Variants in ZNF695 observed in about 807,000 individuals in gnomAD.
The protein encoded by ZNF695 is zinc finger protein SBZF3.
A neutral mutation model predicts 11.2 loss-of-function variants in ZNF695; 11 were observed. The observed-to-expected ratio is 0.98, with a 90% CI of 0.62 to 1.62. ZNF695 has a LOEUF of 1.62. Ranked by LOEUF, ZNF695 falls within the 40% of genes most tolerant of loss-of-function variation. ZNF695 has a pLI of 0.00. For missense variants in ZNF695, 559 were observed against 590.5 expected (o/e 0.95, Z 0.55); for synonymous variants, 190 against 201.4 (o/e 0.94, Z 0.48).
intron 1 of ZNF695, among the ~76,000 whole-genome samples, chr1:247,003,076 C>A (rs565774190): frequency 1.3e-5 from 2 of 152,254 alleles, no homozygotes; most frequent in Non-Finnish European, 2.9e-5. Context: ...GAACTTAAAA[C>A]AGGGCTGCCA....
At chr1:246,949,590 C>A (rs1222950867) in intron 5 of ZNF695, among the ~76,000 whole-genome samples, 11 of 106,506 alleles carry the variant, frequency 1.0e-4, no homozygotes, top group African/African-American at 1.2e-4. Flanking sequence ...GACCCTGTCT[C>A]AAAAAAAAAG....
At chr1:246,955,503 C>A (rs1667974109) in intron 5 of ZNF695, among the ~76,000 whole-genome samples, 1 of 152,106 alleles carries the variant, frequency 6.6e-6, no homozygotes, top group South Asian at 2.1e-4. Context: ...AGAAGCTCTC[C>A]CGCAGTGTTC....
intron 5 of ZNF695, among the ~76,000 whole-genome samples, chr1:246,958,757 C>T (rs151165145): frequency 5.3e-5 from 8 of 152,256 alleles, no homozygotes; most frequent in Non-Finnish European, 7.3e-5. Context: ...CACGATGTAA[C>T]GCATGATTGT....
rs76114241 is a variant in ZNF695, at chr1:246,974,317, C to T, written c.391-6525G>A. 6.6e-3 allele frequency among the ~76,000 whole-genome samples: 1,001 copies of T among 152,288 alleles called. 6 individuals carry two copies. Among genetic ancestry groups the T allele is most frequent in the Middle Eastern group, 0.024 (7 of 294 alleles). On this transcript the variant is annotated intron_variant, in intron 4 of 5. Transcript: ENST00000487338. ...CCAAAGACACAAAGCAAGAGTACTT[C>T]TAACATGCATTGGAATATCAGATCT...
At chr1:246,968,569 G>A (rs1227476333) in intron 4 of ZNF695, 1 of 152,338 alleles carries the variant, frequency 6.6e-6, no homozygotes, top group African/African-American at 2.4e-5. Context: ...TGCCCCAGTG[G>A]AGACTCTTTG....
chr1:246,948,332 C>T lies in ZNF695; in HGVS notation c.489-2505G>A, dbSNP rs568018027. 9.3e-4 allele frequency among the ~76,000 whole-genome samples: 142 copies of T among 152,270 alleles called. 1 individual carries two copies. In the South Asian group the frequency reaches 0.017, roughly 19 times the overall value. ...CAAATGGTCCACCCTCCTCAGCCTC[C>T]CAAAGTGCTGGGATTACAGGTGTGA... On this transcript the variant is annotated intron_variant, in intron 5 of 5. Coordinates refer to the ZNF695 transcript ENST00000487338.
At chr1:246,971,835 G>C (rs978825099) in intron 4 of ZNF695, among the ~76,000 whole-genome samples, 1 of 151,896 alleles carries the variant, frequency 6.6e-6, no homozygotes, top group African/African-American at 2.4e-5. Context: ...TCTTGCCTTG[G>C]CACCTGGGTG....
At chr1:246,974,434 CA>C (rs36021123) in intron 4 of ZNF695, among the ~76,000 whole-genome samples, 97,538 of 151,952 alleles carry the variant, frequency 0.64, 33,317 homozygotes, top group African/African-American at 0.9. Flanking sequence ...GGAGAAAAAA[CA>C]AGAGAGGCAA....
chr1:246,999,250 T>C (rs1669294023), intron 3 of ZNF695, 98 bp downstream of exon 3: 1 of 935,354 alleles, frequency 1.1e-6, no homozygotes, highest in Non-Finnish European at 1.7e-6. Flanking sequence ...CAGAAGCCAT[T>C]TCCTGGGAGT....
At chr1:246,952,059 C>T (rs1667881728) in intron 5 of ZNF695, among the ~76,000 whole-genome samples, 1 of 152,172 alleles carries the variant, frequency 6.6e-6, no homozygotes, top group South Asian at 2.1e-4. Flanking sequence ...GGCGATTCTC[C>T]CACCTCAGCC....
chr1:246,956,012 A>G (rs1169866436), intron 5 of ZNF695, among the ~76,000 whole-genome samples: 2 of 148,520 alleles, frequency 1.3e-5, no homozygotes, highest in Non-Finnish European at 3.0e-5. Flanking sequence ...TTTTTAAGAC[A>G]GAGTCTTGCT....
At position 246,958,260 on chromosome 1, in the gene ZNF695, A is replaced by G. The variant is rs1779974; in HGVS notation, c.488+9435T>C. Among the ~76,000 whole-genome samples, 1,244 of 151,866 alleles carry G rather than the reference A, an allele frequency of 8.2e-3. 26 individuals carry two copies. Among genetic ancestry groups the G allele is most frequent in the African/African-American group, 0.027 (1,108 of 41,358 alleles). ...TTTTTAGTAGAGACAGGGTTTCACC[A>G]TGTTAGCCAGGATGTTCTTGATCTC... On this transcript the variant is annotated intron_variant, in intron 5 of 5. Coordinates refer to the ZNF695 transcript ENST00000487338.
intron 5 of ZNF695, among the ~76,000 whole-genome samples, chr1:246,952,238 T>G (rs1667886697): frequency 6.6e-6 from 1 of 152,158 alleles, no homozygotes; most frequent in African/African-American, 2.4e-5. Context: ...CGTGAGCCAC[T>G]GTGTCCAGCC....
intron 4 of ZNF695, among the ~76,000 whole-genome samples, chr1:246,976,721 GA>G (rs1353350313): frequency 6.6e-6 from 1 of 152,124 alleles, no homozygotes; most frequent in East Asian, 1.9e-4. Flanking sequence ...ATGAACCCGG[GA>G]GGCAGAGCTT....
chr1:246,945,806 C>T, exon 6 of ZNF695: 1 of 1,550,188 alleles, frequency 6.5e-7, no homozygotes, highest in East Asian at 2.4e-5. Flanking sequence ...TTCAAAGCAG[C>T]TCGATGGTCG....
At chr1:246,949,530 G>A (rs2102997369) in intron 5 of ZNF695, among the ~76,000 whole-genome samples, 1 of 151,488 alleles carries the variant, frequency 6.6e-6, no homozygotes. Context: ...GGTGGAGGTT[G>A]CAGTGAGCCG....
rs1668905613 is a variant in ZNF695 at position 246,987,952 on chromosome 1, T to A, written c.563A>T (p.Glu188Val). The A allele has an allele frequency of 6.2e-7, 1 of 1,610,488 alleles. No individual in the cohort carries two copies. The highest frequency in any genetic ancestry group is 1.1e-5 in the South Asian group (1 of 90,268). Residue 188 changes from glutamate to valine, a missense_variant, in exon 4 of 4, where the codon GAA becomes GTA. Coordinates refer to ENST00000339986, the MANE Select transcript of ZNF695 (RefSeq NM_020394.5). ...HTGEKPFKCK[E>V]CGNVSCMSLI... ...AGACATGCAAGAGACATTGCCACAT[T>A]CTTTGCATTTGAATGGTTTTTCTCC... is the stretch of plus-strand genomic sequence containing the variant.
chr1:246,997,975 A>T (rs2103030216), intron 3 of ZNF695, among the ~76,000 whole-genome samples: 1 of 152,356 alleles, frequency 6.6e-6, no homozygotes, highest in East Asian at 1.9e-4. Context: ...AATGAGTAGC[A>T]TCATGAGTAC....
At chr1:246,972,614 G>A (rs200774495) in intron 4 of ZNF695, among the ~76,000 whole-genome samples, 6 of 152,020 alleles carry the variant, frequency 3.9e-5, no homozygotes, top group Non-Finnish European at 7.4e-5. Context: ...TCCACCTCCC[G>A]GGTTCAAGCA....
Sources: allele counts gnomAD v4.1 joint callset (sites outside exome capture counted in the v4.1 genomes callset), GRCh38; gene constraint gnomAD v4.1.1; transcripts MANE v1.5; gene names NCBI Gene and HGNC (gene_info 2026-07-23, HGNC 2026-07-21).